The following SLCO3A1 variants were observed in gnomAD, a reference collection of about 807,000 sequenced individuals.
SLCO3A1 encodes solute carrier organic anion transporter family member 3A1, also known as PGE1 transporter.
SLCO3A1 carries 27 observed loss-of-function variants against 63.1 expected under a neutral mutation model. The ratio of observed to expected loss-of-function variants is 0.43; its 90% confidence interval spans 0.32 to 0.59. The LOEUF is 0.59. SLCO3A1 is among the 20% of genes least tolerant of loss of function. SLCO3A1 has a pLI of 0.09. For missense variants in SLCO3A1, 773 were observed against 945.8 expected, an observed-to-expected ratio of 0.82 and a Z score of 2.40; for synonymous variants, 473 against 409.9, an observed-to-expected ratio of 1.15 and a Z score of -1.86.
At chr15:91,936,555 T>A (rs10444871) in intron 2 of SLCO3A1, among the ~76,000 whole-genome samples, 120,237 of 152,192 alleles carry the variant, frequency 0.79, 47,857 homozygotes, top group East Asian at 0.98. Flanking sequence ...CTGCGTGTTT[T>A]ATTTTGGAAC....
At chr15:92,121,319 G>C (rs563604099) in intron 5 of SLCO3A1, among the ~76,000 whole-genome samples, 1 of 152,330 alleles carries the variant, frequency 6.6e-6, no homozygotes, top group South Asian at 2.1e-4. Context: ...TGCATTTGTT[G>C]AGTTAATCAG....
At chr15:92,150,103 A>G (rs1158846162) in intron 8 of SLCO3A1, among the ~76,000 whole-genome samples, 1 of 152,166 alleles carries the variant, frequency 6.6e-6, no homozygotes, top group Non-Finnish European at 1.5e-5. Flanking sequence ...CTGCCCTGGG[A>G]TGACTTACCT....
intron 4 of SLCO3A1, among the ~76,000 whole-genome samples, chr15:92,116,333 A>G (rs779697010): frequency 6.6e-6 from 1 of 152,224 alleles, no homozygotes; most frequent in Non-Finnish European, 1.5e-5. Flanking sequence ...TCTCTTAAAG[A>G]CTAGCAGTAG....
chr15:92,147,620 G>C (rs945863813), intron 8 of SLCO3A1, among the ~76,000 whole-genome samples: 1 of 152,158 alleles, frequency 6.6e-6, no homozygotes, highest in Admixed American at 6.5e-5. Context: ...GACCCACTGA[G>C]ACCATGTGTG....
chr15:92,120,165 G>T (rs2151560609), intron 4 of SLCO3A1, among the ~76,000 whole-genome samples: 1 of 151,788 alleles, frequency 6.6e-6, no homozygotes, highest in South Asian at 2.1e-4. Flanking sequence ...TTCTGACATT[G>T]CTTTAAAAAA....
intron 2 of SLCO3A1, among the ~76,000 whole-genome samples, chr15:92,069,359 T>C (rs921938140): frequency 3.9e-5 from 6 of 152,132 alleles, no homozygotes; most frequent in Non-Finnish European, 8.8e-5. Flanking sequence ...TGCAGTGTGA[T>C]AGGAGTTACG....
intron 2 of SLCO3A1, among the ~76,000 whole-genome samples, chr15:91,961,167 A>G (rs915303425): frequency 6.6e-5 from 10 of 152,198 alleles, no homozygotes; most frequent in Non-Finnish European, 8.8e-5. Context: ...ATTCTAGTCA[A>G]TTTATCTCCT....
At chr15:92,122,296 C>T (rs556027665) in intron 5 of SLCO3A1, among the ~76,000 whole-genome samples, 103 of 152,180 alleles carry the variant, frequency 6.8e-4, no homozygotes, top group Non-Finnish European at 9.6e-4. Flanking sequence ...CCACAGACTT[C>T]GTCTTCTCTG....
chr15:92,048,626 G>T (rs960893035), intron 2 of SLCO3A1, among the ~76,000 whole-genome samples: 1 of 152,090 alleles, frequency 6.6e-6, no homozygotes, highest in African/African-American at 2.4e-5. Flanking sequence ...GAGGTAACCC[G>T]TCCTCTCCCT....
intron 7 of SLCO3A1, among the ~76,000 whole-genome samples, chr15:92,134,250 G>T (rs2048030105): frequency 6.6e-6 from 1 of 152,222 alleles, no homozygotes; most frequent in Non-Finnish European, 1.5e-5. Context: ...GGCCCTGTCT[G>T]CCAGAGCTGA....
intron 2 of SLCO3A1, among the ~76,000 whole-genome samples, chr15:91,956,968 A>ATATATATAT (rs1900205700): frequency 4.0e-4 from 6 of 15,166 alleles, no homozygotes; most frequent in Non-Finnish European, 4.3e-4. Context: ...ATTTATATAT[A>ATATATATAT]TATATATAGT....
rs1896850388 is a variant in SLCO3A1 at position 91,854,155 on chromosome 15, C to G, written c.180+67C>G. 1 of 1,286,300 alleles carries G rather than the reference C, an allele frequency of 7.8e-7. No homozygotes were observed. Among genetic ancestry groups the G allele is most frequent in the South Asian group, 2.2e-5 (1 of 44,894 alleles). 79.7% of individuals were successfully genotyped at this position (1,286,300 alleles called of 1,614,324 possible). ...CCCGGCTCTCGAGCGGCCGCCTGGC[C>G]CGACGAGGGGGCCGCCCGGCGCTGG... On this transcript the variant is annotated intron_variant, in intron 1 of 9. Coordinates refer to ENST00000318445, the MANE Select transcript of SLCO3A1 (RefSeq NM_013272.4). The surrounding 1 kb of genome is among the most constrained non-coding windows in gnomAD (Gnocchi z 6.4).
chr15:92,159,912 TA>T (rs1434183036), intron 9 of SLCO3A1, among the ~76,000 whole-genome samples: 1 of 152,126 alleles, frequency 6.6e-6, no homozygotes, highest in East Asian at 1.9e-4. Context: ...TTGGTTCCTT[TA>T]TGTTGCAAAT....
intron 2 of SLCO3A1, among the ~76,000 whole-genome samples, chr15:91,922,182 A>G (rs1898870176): frequency 7.8e-6 from 1 of 128,996 alleles, no homozygotes; most frequent in Non-Finnish European, 1.7e-5. Context: ...TTAGGCAGAC[A>G]CACGCGCGTG....
At position 92,147,615 on chromosome 15, in the gene SLCO3A1, A is replaced by G. The variant is rs145878789; in HGVS notation, c.1688+456A>G. ...TGCCTCCTGCAGTGGAGCAGGACCC[A>G]CTGAGACCATGTGTGTGCAAACACA... On this transcript the variant is annotated intron_variant, in intron 8 of 9. Transcript: ENST00000318445. 9.4e-4 allele frequency among the ~76,000 whole-genome samples: 143 copies of G among 152,246 alleles called. 2 individuals are homozygous for G. Among genetic ancestry groups the G allele is most frequent in the African/African-American group, 3.3e-3 (135 of 41,530 alleles).
chr15:92,108,620 T>C lies in SLCO3A1; in HGVS notation c.1009+4078T>C, dbSNP rs535844707. Among the ~76,000 whole-genome samples the C allele has an allele frequency of 5.3e-5, 8 of 152,344 alleles. No individual in the cohort carries two copies. The South Asian group carries it at 1.7e-3, about 32-fold the overall frequency. ...GTTTTGTGCTCCATTGTAAGTTGTC[T>C]CCGGCATCTCTTGCCCTGAGAGGCC... On this transcript the variant is annotated intron_variant, in intron 4 of 9. Transcript: ENST00000318445.
rs116393389 is a variant in SLCO3A1, at chr15:92,011,617, C to T, written c.647-83264C>T. 4.2e-3 allele frequency among the ~76,000 whole-genome samples: 636 copies of T among 152,322 alleles called. 1 individual carries two copies. Among genetic ancestry groups the T allele is most frequent in the African/African-American group, 0.014 (601 of 41,570 alleles). ...CAGTTATTCTCTCTCTCATTCCTTG[C>T]TTTTTAACCCCCTTGGCGCCATCAG... On this transcript the variant is annotated intron_variant, in intron 2 of 9. Coordinates refer to ENST00000318445, the MANE Select transcript of SLCO3A1 (RefSeq NM_013272.4).
rs143399171 is a variant in SLCO3A1, at chr15:91,911,783, C to T, written c.181-4210C>T. Among the ~76,000 whole-genome samples, 828 of 152,206 alleles carry T rather than the reference C, an allele frequency of 5.4e-3. 10 individuals are homozygous for T. The highest frequency in any genetic ancestry group is 0.019 in the African/African-American group (791 of 41,538). On this transcript the variant is annotated intron_variant, in intron 1 of 9. Transcript: ENST00000318445. ...CTGGGACTACAGGCATGTGCCACCA[C>T]GTCCAGCTAATTTTTGTATTTTTAG...
intron 2 of SLCO3A1, among the ~76,000 whole-genome samples, chr15:92,066,957 G>A (rs779190795): frequency 3.9e-5 from 6 of 152,202 alleles, no homozygotes; most frequent in Non-Finnish European, 7.3e-5. Flanking sequence ...ATGGAGGAGC[G>A]TAATGAGAAC....
Sources: allele counts gnomAD v4.1 joint callset (sites outside exome capture counted in the v4.1 genomes callset), GRCh38; gene constraint gnomAD v4.1.1; non-coding constraint Gnocchi (gnomAD v3.1); transcripts MANE v1.5; gene names NCBI Gene and HGNC (gene_info 2026-07-23, HGNC 2026-07-21).